NFATC3: variants seen among roughly 807,000 people sequenced by gnomAD.
The protein encoded by NFATC3 is nuclear factor of activated T cells 3.
In NFATC3, 46 loss-of-function variants were observed where a neutral mutation model predicts 98.6. The observed-to-expected ratio is 0.47, with a 90% CI of 0.37 to 0.60. The LOEUF (loss-of-function observed/expected upper bound fraction) is 0.60, where lower values mean the gene tolerates loss of function less well. NFATC3 is among the 20% of genes least tolerant of loss of function. The pLI, the probability that NFATC3 is intolerant of heterozygous loss-of-function variation, is 0.00. For missense variants in NFATC3, 1,256 were observed against 1,295.5 expected, an observed-to-expected ratio of 0.97 and a Z score of 0.47; for synonymous variants, 512 against 472.2, an observed-to-expected ratio of 1.08 and a Z score of -1.09.
intron 1 of NFATC3, among the ~76,000 whole-genome samples, chr16:68,120,186 T>G (rs941498496): frequency 7.2e-6 from 1 of 138,908 alleles, no homozygotes. Context: ...AAGGTTGAGG[T>G]GGGAGGATCA....
intron 3 of NFATC3, among the ~76,000 whole-genome samples, chr16:68,154,985 A>C (rs1258319262): frequency 6.6e-6 from 1 of 152,242 alleles, no homozygotes; most frequent in East Asian, 1.9e-4. Flanking sequence ...GAGGGAAGAC[A>C]GAGAGCAGTT....
intron 3 of NFATC3, among the ~76,000 whole-genome samples, chr16:68,142,895 CTGAT>C (rs2151544181): frequency 6.6e-6 from 1 of 151,916 alleles, no homozygotes; most frequent in South Asian, 2.1e-4. Flanking sequence ...TTTCTCTTGT[CTGAT>C]TGTTCTGGCT....
chr16:68,113,094 C>T (rs1379050610), intron 1 of NFATC3, among the ~76,000 whole-genome samples: 4 of 152,182 alleles, frequency 2.6e-5, no homozygotes, highest in African/African-American at 4.8e-5. Flanking sequence ...TCTGTCAATT[C>T]ATTCTTCTCT....
Position 68,169,373 on chromosome 16 carries a change from A to G in NFATC3, c.1774+2358A>G, listed in dbSNP as rs561906947. Among the ~76,000 whole-genome samples the G allele has an allele frequency of 3.3e-5, 5 of 152,114 alleles. No homozygotes were observed. The East Asian group carries it at 5.8e-4, about 18-fold the overall frequency. ...AGCCTCCGCCTCCCAGGCTTAAGCAATCCTCCCACCTCAGCCTCCCAAGTA... is the reference window on the plus strand; with the variant it reads ...AGCCTCCGCCTCCCAGGCTTAAGCAGTCCTCCCACCTCAGCCTCCCAAGTA... On this transcript the variant is annotated intron_variant, in intron 5 of 9. Coordinates refer to ENST00000346183, the MANE Select transcript of NFATC3 (RefSeq NM_173165.3).
At chr16:68,087,396 C>T (rs974646793) in intron 1 of NFATC3, among the ~76,000 whole-genome samples, 5 of 152,094 alleles carry the variant, frequency 3.3e-5, no homozygotes, top group South Asian at 2.1e-4. Flanking sequence ...CTTTACCATA[C>T]GCAAAAGCCA....
intron 4 of NFATC3, among the ~76,000 whole-genome samples, chr16:68,159,853 G>A (rs955397918): frequency 2.0e-5 from 3 of 151,870 alleles, no homozygotes; most frequent in South Asian, 2.1e-4. Context: ...CGAGGTGGGC[G>A]GATTACCTGA....
intron 2 of NFATC3, among the ~76,000 whole-genome samples, chr16:68,124,711 G>T (rs1464447530): frequency 2.0e-5 from 3 of 151,712 alleles, no homozygotes; most frequent in Non-Finnish European, 4.4e-5. Context: ...GGGATTACAG[G>T]CGTGAGCCAC....
At chr16:68,214,490 A>C in intron 9 of NFATC3, 1 of 1,475,914 alleles carries the variant, frequency 6.8e-7, no homozygotes, top group Non-Finnish European at 9.5e-7. Context: ...ATTTGCATGC[A>C]GTGGCTGGAT....
intron 3 of NFATC3, among the ~76,000 whole-genome samples, chr16:68,141,709 A>G (rs746723565): frequency 6.6e-6 from 1 of 151,930 alleles, no homozygotes; most frequent in Non-Finnish European, 1.5e-5. Flanking sequence ...TCTGGGTATT[A>G]GTCCTTTATT....
At chr16:68,092,443 A>ACT (rs1168515120) in intron 1 of NFATC3, among the ~76,000 whole-genome samples, 1 of 143,780 alleles carries the variant, frequency 7.0e-6, no homozygotes, top group African/African-American at 2.6e-5. Context: ...ACAGAGTAAA[A>ACT]CTCTCTCTCA....
intron 1 of NFATC3, among the ~76,000 whole-genome samples, chr16:68,087,135 A>G (rs1457229722): frequency 6.6e-6 from 1 of 152,214 alleles, no homozygotes; most frequent in Non-Finnish European, 1.5e-5. Context: ...AATTGTATCT[A>G]GATTATCGGG....
At chr16:68,187,914 G>C (rs773395415) in intron 8 of NFATC3, among the ~76,000 whole-genome samples, 1 of 151,976 alleles carries the variant, frequency 6.6e-6, no homozygotes, top group East Asian at 1.9e-4. Context: ...ACCTCTTTCC[G>C]CCCAGGAACC....
At chr16:68,160,239 G>T (rs916236296) in intron 4 of NFATC3, among the ~76,000 whole-genome samples, 12 of 152,042 alleles carry the variant, frequency 7.9e-5, no homozygotes, top group African/African-American at 2.9e-4. Flanking sequence ...ATTTTGGGCA[G>T]ATCACTTGAG....
chr16:68,099,607 AAATAAT>A (rs369467712), intron 1 of NFATC3, among the ~76,000 whole-genome samples: 34 of 150,042 alleles, frequency 2.3e-4, no homozygotes, highest in South Asian at 6.3e-4. Flanking sequence ...TCTCAAAATA[AAATAAT>A]AATAATAATA....
At chr16:68,226,274 G>A (rs1179547373) in intron 9 of NFATC3, 76 bp from the exon 10 acceptor site, 4 of 1,493,472 alleles carry the variant, frequency 2.7e-6, no homozygotes, top group Non-Finnish European at 3.6e-6. Flanking sequence ...AATGTCTGAG[G>A]TAGAGCTCAG....
intron 9 of NFATC3, among the ~76,000 whole-genome samples, chr16:68,196,415 C>T (rs1458788711): frequency 6.6e-6 from 1 of 152,114 alleles, no homozygotes; most frequent in African/African-American, 2.4e-5. Context: ...GCCACCATGC[C>T]CAGCCTAAAA....
chr16:68,144,006 T>C (rs903541419), intron 3 of NFATC3, among the ~76,000 whole-genome samples: 2 of 152,054 alleles, frequency 1.3e-5, no homozygotes, highest in Non-Finnish European at 2.9e-5. Context: ...AAATTGGATT[T>C]CATCAAAATT....
Position 68,228,163 on chromosome 16 carries a change from T to G in NFATC3, c.*1692T>G, listed in dbSNP as rs1189780324. On this transcript the variant is annotated 3_prime_UTR_variant, in exon 10 of 10. Transcript: ENST00000346183. ...AAAAACAAAATATATTTTAGATTTC[T>G]CCCCTAAAGTTAGTTAGAGAAAAAG... 1.3e-5 allele frequency: 2 copies of G among 152,226 alleles called. No individual in the cohort carries two copies. Among genetic ancestry groups the G allele is most frequent in the East Asian group, 3.8e-4 (2 of 5,198 alleles). 9.4% of individuals were successfully genotyped at this position (152,226 alleles called of 1,614,324 possible). A position where few individuals can be genotyped will look rare whatever the true frequency, so the allele number is the denominator to read the frequency against.
At chr16:68,092,463 AAAAT>A (rs1162983677) in intron 1 of NFATC3, among the ~76,000 whole-genome samples, 5 of 149,120 alleles carry the variant, frequency 3.4e-5, no homozygotes, top group East Asian at 4.0e-4. Context: ...AAAAAAAAAA[AAAAT>A]AAATAAATAA....
Sources: allele counts gnomAD v4.1 joint callset (sites outside exome capture counted in the v4.1 genomes callset), GRCh38; gene constraint gnomAD v4.1.1; transcripts MANE v1.5; gene names NCBI Gene and HGNC (gene_info 2026-07-23, HGNC 2026-07-21).